The following UNC13C variants were observed in gnomAD, a reference collection of about 807,000 sequenced individuals.
UNC13C encodes the protein unc-13 homolog C, also known as protein unc-13 homolog C.
Under a neutral mutation model 245.4 loss-of-function variants are expected in UNC13C, and 174 were observed. The ratio of observed to expected loss-of-function variants is 0.71; its 90% CI spans 0.63 to 0.80. The LOEUF (loss-of-function observed/expected upper bound fraction) is 0.80, where lower values mean the gene tolerates loss of function less well. UNC13C is among the 30% of genes least tolerant of loss of function. The pLI is 0.00. For synonymous variants in UNC13C, 992 were observed against 895.1 expected (o/e 1.11, Z -1.93); for missense variants, 2,829 against 2,602.9 (o/e 1.09, Z -1.89).
chr15:54,590,590 ATT>A (rs1898736287), intron 30 of UNC13C, among the ~76,000 whole-genome samples: 1 of 152,074 alleles, frequency 6.6e-6, no homozygotes, highest in African/African-American at 2.4e-5. Flanking sequence ...TTGATTCTCT[ATT>A]TTGTTGCTGT....
intron 18 of UNC13C, among the ~76,000 whole-genome samples, chr15:54,408,228 A>AAAAAAC (rs2040347149): frequency 6.8e-6 from 1 of 146,068 alleles, no homozygotes; most frequent in African/African-American, 2.6e-5. Flanking sequence ...AAAAAAAAAA[A>AAAAAAC]ACATGGGCAA....
In UNC13C at chr15:54,097,483, A is replaced by G. The variant is rs28709113; in HGVS notation, c.2984-45535A>G. Among the ~76,000 whole-genome samples, 706 of 152,324 alleles carry G rather than the reference A, an allele frequency of 4.6e-3. 7 individuals are homozygous for G. The highest frequency in any genetic ancestry group is 0.016 in the African/African-American group (679 of 41,574). On this transcript the variant is annotated intron_variant, in intron 2 of 32. Coordinates refer to ENST00000260323, the MANE Select transcript of UNC13C (RefSeq NM_001080534.3). ...GATGAATTACAATGCCTGGTATTCT[A>G]TGTAGCTTGATGAATATCAGGCACT...
At chr15:54,423,913 T>C (rs2040704223) in intron 19 of UNC13C, among the ~76,000 whole-genome samples, 1 of 151,892 alleles carries the variant, frequency 6.6e-6, no homozygotes, top group Admixed American at 6.6e-5. Context: ...TTCTTCCTTA[T>C]TAGTGGTTTT....
chr15:54,196,130 C>A (rs997371890), intron 4 of UNC13C, among the ~76,000 whole-genome samples: 6 of 152,176 alleles, frequency 3.9e-5, no homozygotes, highest in Non-Finnish European at 7.4e-5. Flanking sequence ...TTTCTCCCTA[C>A]TAAAAGTATA....
At chr15:54,628,757 T>C (rs898656703), downstream of UNC13C, 1 of 152,160 alleles carries the variant, frequency 6.6e-6, no homozygotes, top group South Asian at 2.1e-4. Context: ...AGAATGGTTA[T>C]TATTAAAAAG....
chr15:54,140,570 G>A (rs78488056), intron 2 of UNC13C, among the ~76,000 whole-genome samples: 2,904 of 152,306 alleles, frequency 0.019, 69 homozygotes, highest in East Asian at 0.092. Flanking sequence ...TTTCCAGAAA[G>A]AGAGGTTGTG....
chr15:54,191,450 T>C (rs979570676), intron 4 of UNC13C, among the ~76,000 whole-genome samples: 1 of 152,216 alleles, frequency 6.6e-6, no homozygotes, highest in Non-Finnish European at 1.5e-5. Flanking sequence ...CAGTCTATCA[T>C]TGATGGGCAT....
intron 17 of UNC13C, among the ~76,000 whole-genome samples, chr15:54,363,252 A>G (rs987533470): frequency 1.3e-5 from 2 of 152,062 alleles, no homozygotes; most frequent in African/African-American, 4.8e-5. Flanking sequence ...GGGATTATAG[A>G]CACATGCCAG....
At chr15:54,004,290 C>T (rs1041114281) in intron 1 of UNC13C, among the ~76,000 whole-genome samples, 4 of 152,190 alleles carry the variant, frequency 2.6e-5, no homozygotes, top group Admixed American at 6.5e-5. Context: ...TGGCTTATTT[C>T]ACTTAACATA....
intron 19 of UNC13C, among the ~76,000 whole-genome samples, chr15:54,449,562 C>G (rs1891047628): frequency 6.6e-6 from 1 of 152,208 alleles, no homozygotes; most frequent in Non-Finnish European, 1.5e-5. Context: ...TCCAGCTGAT[C>G]AAATCAGCTA....
At chr15:54,621,976 C>G (rs901209059) in intron 30 of UNC13C, among the ~76,000 whole-genome samples, 5 of 152,134 alleles carry the variant, frequency 3.3e-5, no homozygotes, top group African/African-American at 1.2e-4. Context: ...TGGAAAAGCT[C>G]TTAAAGTAAT....
chr15:54,425,930 T>C (rs1163439238), intron 19 of UNC13C, among the ~76,000 whole-genome samples: 1 of 151,766 alleles, frequency 6.6e-6, no homozygotes, highest in Non-Finnish European at 1.5e-5. Context: ...CCATTTTCCT[T>C]TCTCTCACAA....
the UNC13C span, among the ~76,000 whole-genome samples, chr15:53,965,352 C>G: frequency 6.6e-6 from 1 of 151,928 alleles, no homozygotes; most frequent in African/African-American, 2.4e-5. Flanking sequence ...CATTTGAACT[C>G]TTTTTAAACA....
intron 4 of UNC13C, among the ~76,000 whole-genome samples, chr15:54,188,095 G>C (rs1417593095): frequency 2.0e-5 from 3 of 152,174 alleles, no homozygotes; most frequent in African/African-American, 7.2e-5. Context: ...TGGGATTACA[G>C]CCATGAGCCT....
chr15:54,396,182 A>C (rs1400512160), intron 18 of UNC13C, among the ~76,000 whole-genome samples: 1 of 151,720 alleles, frequency 6.6e-6, no homozygotes, highest in East Asian at 1.9e-4. Context: ...ATTTAGCCAC[A>C]AAATTATTGC....
intron 4 of UNC13C, among the ~76,000 whole-genome samples, chr15:54,162,212 A>G (rs2033005668): frequency 6.6e-6 from 1 of 152,186 alleles, no homozygotes; most frequent in South Asian, 2.1e-4. Context: ...CAAAAGGGTT[A>G]AGGTGAACTC....
intron 8 of UNC13C, among the ~76,000 whole-genome samples, chr15:54,262,127 T>G (rs1275442476): frequency 1.3e-5 from 2 of 152,238 alleles, no homozygotes; most frequent in East Asian, 3.9e-4. Flanking sequence ...CTCTTTATAT[T>G]CTAGCTTTGA....
At chr15:53,957,429 T>C in the UNC13C span, among the ~76,000 whole-genome samples, 137 of 152,262 alleles carry the variant, frequency 9.0e-4, no homozygotes, top group Non-Finnish European at 1.7e-3. Context: ...CACCATGCCC[T>C]ACCAAAAATG....
At chr15:54,504,903 A>G (rs1272615210) in intron 22 of UNC13C, among the ~76,000 whole-genome samples, 1 of 152,170 alleles carries the variant, frequency 6.6e-6, no homozygotes, top group Non-Finnish European at 1.5e-5. Context: ...TGTCTGAGTA[A>G]TTGATGGCCG....
Sources: gnomAD v4.1 joint callset for allele counts (sites outside exome capture counted in the v4.1 genomes callset) on GRCh38, gnomAD v4.1.1 for gene constraint, MANE v1.5 for transcripts, NCBI Gene and HGNC (gene_info 2026-07-23, HGNC 2026-07-21) for gene names.